HEXB: variants seen among roughly 807,000 people sequenced by gnomAD.
HEXB encodes beta-hexosaminidase subunit beta.
In HEXB, 51 loss-of-function variants were observed where a neutral mutation model predicts 71.2. The ratio of observed to expected loss-of-function variants is 0.72; its 90% CI spans 0.57 to 0.90. The LOEUF (loss-of-function observed/expected upper bound fraction) is 0.90, where lower values mean the gene tolerates loss of function less well. Among genes scored for constraint, HEXB ranks in the 40% least tolerant of loss-of-function variants. The pLI, the probability that HEXB is intolerant of heterozygous loss-of-function variation, is 0.00. For missense variants in HEXB, 617 were observed against 677.0 expected, an observed-to-expected ratio of 0.91 and a Z score of 0.98; for synonymous variants, 266 against 249.3, an observed-to-expected ratio of 1.07 and a Z score of -0.63.
chr5:74,661,511 CTCTGTGTGTGTGTGTGTG>C lies in HEXB; in HGVS notation c.-377+20955_-377+20972del, dbSNP rs1213678721. On this transcript the variant is annotated intron_variant, in intron 1 of 13. Coordinates refer to the HEXB transcript ENST00000511181. The stretch of plus-strand genomic sequence containing the variant: ...GAAGTCATGAATTCATTTTCTCTCT[CTCTGTGTGTGTGTGTGTG>C]TGTGTGTGTGTGTGTGTGTGTGTGT... 9.5e-4 allele frequency among the ~76,000 whole-genome samples: 121 copies of C among 127,820 alleles called. 2 individuals are homozygous for C. In the East Asian group the frequency reaches 9.8e-3, roughly 10 times the overall value. 83.9% of individuals were successfully genotyped at this position (127,820 alleles called of 152,430 possible). A position where few individuals can be genotyped will look rare whatever the true frequency, so the allele number is the denominator to read the frequency against.
intron 1 of HEXB, among the ~76,000 whole-genome samples, chr5:74,642,467 C>G (rs922045133): frequency 6.6e-6 from 1 of 152,046 alleles, no homozygotes; most frequent in African/African-American, 2.4e-5. Context: ...AGATGGGAGG[C>G]GGAAATGTGT....
At chr5:74,693,505 G>A in intron 2 of HEXB, 134 bp from the exon 3 acceptor site, 1 of 728,524 alleles carries the variant, frequency 1.4e-6, no homozygotes, top group Non-Finnish European at 2.5e-6. Flanking sequence ...TGTACAGGAG[G>A]CAGTTAGAGA....
At chr5:74,673,605 T>C (rs1298099776) in intron 1 of HEXB, among the ~76,000 whole-genome samples, 1 of 152,156 alleles carries the variant, frequency 6.6e-6, no homozygotes. Context: ...CTTCCCAGAC[T>C]CCCTTGCTGC....
chr5:74,672,097 G>T (rs775133176), intron 1 of HEXB, among the ~76,000 whole-genome samples: 8 of 152,172 alleles, frequency 5.3e-5, no homozygotes, highest in Non-Finnish European at 7.3e-5. Context: ...TATATGTGAT[G>T]CTTGTTCTCA....
In HEXB at chr5:74,696,752, AT is replaced by A; in HGVS notation, c.558+15del. The stretch of plus-strand genomic sequence containing the variant: ...TTCTTATGGAACTGTAAGTATGATT[AT>A]TATATGTTACTAAAAATTGTTAGAC... On this transcript the variant is annotated intron_variant, in intron 4 of 13. Transcript: ENST00000261416. 1 of 1,321,668 alleles carries A rather than the reference AT, an allele frequency of 7.6e-7. No individual in the cohort carries two copies. The highest frequency in any genetic ancestry group is 1.1e-6 in the Non-Finnish European group (1 of 915,568). 81.9% of individuals were successfully genotyped at this position (1,321,668 alleles called of 1,614,324 possible). A position where few individuals can be genotyped will look rare whatever the true frequency, so the allele number is the denominator to read the frequency against.
At chr5:74,650,877 G>A (rs1012798298) in intron 1 of HEXB, among the ~76,000 whole-genome samples, 5 of 148,090 alleles carry the variant, frequency 3.4e-5, no homozygotes, top group Non-Finnish European at 5.9e-5. Context: ...AGTGAGCTGG[G>A]ATCACGCCAC....
intron 6 of HEXB, among the ~76,000 whole-genome samples, chr5:74,707,184 T>C (rs1226014614): frequency 2.6e-5 from 4 of 152,086 alleles, no homozygotes; most frequent in African/African-American, 9.7e-5. Context: ...GCAAACAGGG[T>C]CTGGAGTGGA....
chr5:74,670,098 T>G (rs560992561), intron 1 of HEXB, among the ~76,000 whole-genome samples: 2 of 152,154 alleles, frequency 1.3e-5, no homozygotes, highest in African/African-American at 4.8e-5. Context: ...ATGGACTGAT[T>G]GAGAACCTCT....
chr5:74,710,708 C>A (rs1270257206), intron 6 of HEXB, among the ~76,000 whole-genome samples: 1 of 151,642 alleles, frequency 6.6e-6, no homozygotes, highest in Non-Finnish European at 1.5e-5. Context: ...AATAAAATAC[C>A]TAGGAATCCA....
Position 74,693,717 on chromosome 5 carries a change from C to T in HEXB, c.511+13C>T. On this transcript the variant is annotated intron_variant, in intron 3 of 13. Transcript: ENST00000261416. The stretch of plus-strand genomic sequence containing the variant: ...GGAGCATTACGAGGTAAGTTCCATG[C>T]AGTTTCATTGTTACTTTCCAGTAAA... 1 of 1,598,932 alleles carries T rather than the reference C, an allele frequency of 6.3e-7. No individual in the cohort carries two copies. The highest frequency in any genetic ancestry group is 8.6e-7 in the Non-Finnish European group (1 of 1,166,120).
At chr5:74,707,107 G>A (rs1275179396) in intron 6 of HEXB, among the ~76,000 whole-genome samples, 2 of 152,078 alleles carry the variant, frequency 1.3e-5, no homozygotes, top group African/African-American at 2.4e-5. Flanking sequence ...CCAGAGGAAC[G>A]ATCAGACAGC....
rs143238346 is a variant in HEXB, at chr5:74,703,606, T to C, written c.670-1613T>C. Among the ~76,000 whole-genome samples, 340 of 152,294 alleles carry C rather than the reference T, an allele frequency of 2.2e-3. 1 individual carries two copies. The highest frequency in any genetic ancestry group is 7.8e-3 in the African/African-American group (324 of 41,566). On this transcript the variant is annotated intron_variant, in intron 5 of 13. Transcript: ENST00000261416. Reference sequence around the variant, plus strand: ...ATACACACACATCTTTCCCTATTTCTATATCTGCTAATATCAGGAGTTGGC... The same window carrying C: ...ATACACACACATCTTTCCCTATTTCCATATCTGCTAATATCAGGAGTTGGC...
At chr5:74,711,506 A>G (rs1167965258) in intron 6 of HEXB, among the ~76,000 whole-genome samples, 1 of 152,204 alleles carries the variant, frequency 6.6e-6, no homozygotes, top group East Asian at 1.9e-4. Context: ...GCAACCCACA[A>G]TATGGGAGAA....
intron 5 of HEXB, among the ~76,000 whole-genome samples, chr5:74,703,686 G>T (rs551774855): frequency 6.6e-6 from 1 of 152,106 alleles, no homozygotes; most frequent in East Asian, 1.9e-4. Context: ...CAAACATGGG[G>T]TTTTGGTCTC....
In HEXB at chr5:74,718,916, T is replaced by G. The variant is rs552896059; in HGVS notation, c.1362T>G (p.Ile454Met). ...CTGCTCCTTGGTACTTAGATTTGAT[T>G]AGCTATGGACAAGATTGGAGGAAAT... The part of the protein sequence containing the change: ...ILSAPWYLDL[I>M]SYGQDWRKYY... Residue 454 changes from isoleucine to methionine, a missense_variant, in exon 11 of 14, where the codon ATT (isoleucine) becomes ATG (methionine). Physicochemically the swap from Ile to Met is conservative, Grantham distance 10. Transcript: ENST00000261416. The G allele has an allele frequency of 6.2e-7, 1 of 1,613,984 alleles. No homozygotes were observed. Among genetic ancestry groups the G allele is most frequent in the African/African-American group, 1.3e-5 (1 of 74,912 alleles).
chr5:74,708,552 C>T (rs1385106841), intron 6 of HEXB, among the ~76,000 whole-genome samples: 8 of 152,148 alleles, frequency 5.3e-5, no homozygotes, highest in African/African-American at 1.2e-4. Flanking sequence ...ACCCATCTCA[C>T]GGGCAGAGAC....
intron 6 of HEXB, among the ~76,000 whole-genome samples, 160 bp from the exon 7 acceptor site, chr5:74,713,346 A>G (rs1305978494): frequency 2.0e-5 from 3 of 152,196 alleles, no homozygotes; most frequent in Non-Finnish European, 4.4e-5. Flanking sequence ...CTATGGCACT[A>G]TATTATTTTT....
At chr5:74,678,753 T>A (rs1748682319) in intron 1 of HEXB, among the ~76,000 whole-genome samples, 1 of 151,818 alleles carries the variant, frequency 6.6e-6, no homozygotes, top group African/African-American at 2.4e-5. Context: ...ACATACCACA[T>A]AAATAAAGGT....
intron 1 of HEXB, among the ~76,000 whole-genome samples, chr5:74,647,690 A>G (rs1032913142): frequency 3.9e-5 from 6 of 152,258 alleles, no homozygotes; most frequent in Non-Finnish European, 7.3e-5. Context: ...AAGACTTGCA[A>G]TTTCTTTATC....
Sources: gnomAD v4.1 joint callset for allele counts (sites outside exome capture counted in the v4.1 genomes callset) on GRCh38, gnomAD v4.1.1 for gene constraint, MANE v1.5 for transcripts, NCBI Gene and HGNC (gene_info 2026-07-23, HGNC 2026-07-21) for gene names.